The following ANKMY1 variants were observed in gnomAD, a reference collection of about 807,000 sequenced individuals.
The protein encoded by ANKMY1 is ankyrin repeat and MYND domain-containing protein 1.
ANKMY1 carries 98 observed loss-of-function variants against 102.0 expected under a neutral mutation model. The ratio of observed to expected loss-of-function variants is 0.96; its 90% confidence interval spans 0.82 to 1.14. ANKMY1 has a LOEUF of 1.14. ANKMY1 is among the 50% of genes most tolerant of loss of function. The pLI is 0.00. For missense variants in ANKMY1, 1,330 were observed against 1,347.6 expected, an observed-to-expected ratio of 0.99 and a Z score of 0.20; for synonymous variants, 582 against 559.9, an observed-to-expected ratio of 1.04 and a Z score of -0.56.
rs1482218693 is a variant in ANKMY1, at chr2:240,548,448, G to T, written c.480+4466C>A. ...AACTGGAAGCATTCCCTTTGAAAACGGGCACAAGACAGGGATGCCCTCTCT... is the reference window on the plus strand; with the variant it reads ...AACTGGAAGCATTCCCTTTGAAAACTGGCACAAGACAGGGATGCCCTCTCT... On this transcript the variant is annotated intron_variant, in intron 4 of 17. Coordinates refer to ENST00000401804, the MANE Select transcript of ANKMY1 (RefSeq NM_001282771.3). Among the ~76,000 whole-genome samples, 14 of 151,386 alleles carry T rather than the reference G, an allele frequency of 9.2e-5. No homozygotes were observed. The South Asian group carries it at 2.5e-3, about 27-fold the overall frequency.
Position 240,525,594 on chromosome 2 carries a change from A to G in ANKMY1, c.1335+91T>C, listed in dbSNP as rs970091473. 3.2e-5 allele frequency: 47 copies of G among 1,461,072 alleles called. No homozygotes were observed. In the African/African-American group the frequency reaches 5.9e-4, roughly 18 times the overall value. The allele number at this position is 1,461,072 out of a possible 1,614,324, so 90.5% of individuals were successfully genotyped here. ...AACTCACCCTGTACAAGCCTGGTCC[A>G]CACAGGAGGGAGGAGGCTTGGTGGA... On this transcript the variant is annotated intron_variant, in intron 7 of 17. Transcript: ENST00000401804.
intron 5 of ANKMY1, 45 bp from the exon 6 acceptor site, chr2:240,526,490 C>G: frequency 6.2e-7 from 1 of 1,611,404 alleles, no homozygotes; most frequent in Non-Finnish European, 8.5e-7. Context: ...AGGTTCTGCA[C>G]CTCCCACGAG....
Position 240,557,227 on chromosome 2 carries a change from G to A in ANKMY1, c.109C>T (p.Pro37Ser). ...KGGETPAAEE[P>S]GSLKNYAVFA... The stretch of plus-strand genomic sequence containing the variant: ...ACAGCGTAGTTCTTCAGGGACCCCG[G>A]CTCCTCGGCAGCAGGGGTCTCGCCG... The change falls in exon 2 of 18, where the codon CCG (proline) becomes TCG (serine). Residue 37 changes from proline to serine, a missense_variant. Coordinates refer to ENST00000401804, the MANE Select transcript of ANKMY1 (RefSeq NM_001282771.3). The A allele has an allele frequency of 6.3e-7, 1 of 1,588,870 alleles. No homozygotes were observed. Among genetic ancestry groups the A allele is most frequent in the Non-Finnish European group, 8.6e-7 (1 of 1,166,818 alleles).
chr2:240,500,053 T>G lies in ANKMY1; in HGVS notation c.2711A>C (p.Lys904Thr), dbSNP rs1371352357. 1.2e-6 allele frequency: 2 copies of G among 1,612,762 alleles called. No individual in the cohort carries two copies. Among genetic ancestry groups the G allele is most frequent in the African/African-American group, 2.7e-5 (2 of 74,908 alleles). ...PAERETFLARKRLLEYMGLQL... is the reference protein window; with the variant it reads ...PAERETFLARTRLLEYMGLQL... ...CAAGCCCATGTACTCCAGGAGCCGC[T>G]TCCGCGCCAGGAACGTCTCGCGCTC... is the stretch of plus-strand genomic sequence containing the variant. The change falls in exon 15 of 18, where the codon AAG becomes ACG. Residue 904 changes from lysine (K) to threonine (T), a missense_variant. Lys to Thr is a moderately conservative substitution (Grantham distance 78). Coordinates refer to ENST00000401804, the MANE Select transcript of ANKMY1 (RefSeq NM_001282771.3).
At chr2:240,528,504 T>A (rs552818611) in intron 5 of ANKMY1, among the ~76,000 whole-genome samples, 10 of 151,966 alleles carry the variant, frequency 6.6e-5, no homozygotes, top group Non-Finnish European at 1.5e-4. Flanking sequence ...TACCACCATA[T>A]AACAGTAACA....
downstream of ANKMY1, among the ~76,000 whole-genome samples, chr2:240,478,347 TCTAA>T (rs368175718): frequency 3.9e-4 from 59 of 152,370 alleles, no homozygotes; most frequent in Non-Finnish European, 5.6e-4. Context: ...GTAGATATTC[TCTAA>T]CTTTTATAGA....
the ANKMY1 span, among the ~76,000 whole-genome samples, chr2:240,469,016 C>A: frequency 6.6e-6 from 1 of 152,206 alleles, no homozygotes; most frequent in Non-Finnish European, 1.5e-5. Flanking sequence ...GTGGAGTCCT[C>A]TCCGTGGCGG....
chr2:240,525,610 G>A, intron 7 of ANKMY1, 75 bp downstream of exon 7: 1 of 1,514,100 alleles, frequency 6.6e-7, no homozygotes, highest in African/African-American at 1.4e-5. Flanking sequence ...GAGGGAGGAG[G>A]CTTGGTGGAC....
At chr2:240,557,103 A>G (rs537247454) in intron 2 of ANKMY1, 87 bp downstream of exon 2, 1 of 1,351,394 alleles carries the variant, frequency 7.4e-7, no homozygotes, top group South Asian at 1.9e-5. Flanking sequence ...CAGTTCAGGG[A>G]TTTTTACTGC....
intron 1 of ANKMY1, 162 bp from the exon 2 acceptor site, chr2:240,557,514 T>G: frequency 1.4e-6 from 1 of 692,632 alleles, no homozygotes; most frequent in Non-Finnish European, 2.1e-6. Context: ...CGGACCACCA[T>G]CCCTGGGAGT....
intron 4 of ANKMY1, among the ~76,000 whole-genome samples, chr2:240,548,940 C>T (rs1223099274): frequency 1.3e-5 from 2 of 152,276 alleles, no homozygotes; most frequent in East Asian, 1.9e-4. Context: ...CCATACTGCC[C>T]AAGGTAATTT....
At chr2:240,478,229 C>A (rs1302999682), downstream of ANKMY1, among the ~76,000 whole-genome samples, 2 of 152,198 alleles carry the variant, frequency 1.3e-5, no homozygotes, top group Non-Finnish European at 2.9e-5. Context: ...GCCAATTAAA[C>A]CTCCTTTCTT....
Position 240,555,047 on chromosome 2 carries a change from G to A in ANKMY1, c.155C>T (p.Ser52Leu), listed in dbSNP as rs771598746. The stretch of plus-strand genomic sequence containing the variant: ...CTCCTCTTCCTTCTCAGGGGCTGCT[G>A]AAACATCCCTAAAAGGACAGGAGCA... ...NYAVFATRDV[S>L]AAPEKEEEEA... Residue 52 changes from serine to leucine, a missense_variant, in exon 3 of 18, where the codon TCA becomes TTA. Coordinates refer to ENST00000401804, the MANE Select transcript of ANKMY1 (RefSeq NM_001282771.3). The A allele has an allele frequency of 6.2e-7, 1 of 1,613,916 alleles. No homozygotes were observed. Among genetic ancestry groups the A allele is most frequent in the Admixed American group, 1.7e-5 (1 of 60,026 alleles).
At chr2:240,559,315 G>A (rs1441580149), upstream of ANKMY1, among the ~76,000 whole-genome samples, 1 of 152,198 alleles carries the variant, frequency 6.6e-6, no homozygotes, top group East Asian at 1.9e-4. Flanking sequence ...AGGGACTTCA[G>A]GTTTTGTTTG....
chr2:240,472,471 G>A, the ANKMY1 span, among the ~76,000 whole-genome samples: 1,348 of 152,312 alleles, frequency 8.9e-3, 5 homozygotes, highest in Non-Finnish European at 0.014. Flanking sequence ...TTGTGACTTG[G>A]TTTCATCTCC....
At chr2:240,486,321 ACAT>A (rs2076053907) in intron 15 of ANKMY1, among the ~76,000 whole-genome samples, 2 of 151,994 alleles carry the variant, frequency 1.3e-5, no homozygotes, top group African/African-American at 2.4e-5. Flanking sequence ...GCACACACAC[ACAT>A]AATATATAAA....
chr2:240,482,984 G>T (rs2075601284), intron 15 of ANKMY1, among the ~76,000 whole-genome samples: 1 of 152,118 alleles, frequency 6.6e-6, no homozygotes, highest in Non-Finnish European at 1.5e-5. Flanking sequence ...GTGCATATGG[G>T]TTTATAATTG....
At chr2:240,554,773 C>A in intron 3 of ANKMY1, 93 bp downstream of exon 3, 2 of 1,434,580 alleles carry the variant, frequency 1.4e-6, no homozygotes, top group Non-Finnish European at 1.9e-6. Flanking sequence ...TGTTGATGGG[C>A]CTAAAAGTTC....
chr2:240,494,304 T>C (rs2076983071), intron 15 of ANKMY1, among the ~76,000 whole-genome samples: 2 of 152,236 alleles, frequency 1.3e-5, no homozygotes, highest in South Asian at 4.1e-4. Context: ...TGGTGGAAAA[T>C]GCATGTCTCC....
Sources: allele counts gnomAD v4.1 joint callset (sites outside exome capture counted in the v4.1 genomes callset), GRCh38; gene constraint gnomAD v4.1.1; transcripts MANE v1.5; gene names NCBI Gene and HGNC (gene_info 2026-07-23, HGNC 2026-07-21).